RCHY1: variants seen among roughly 807,000 people sequenced by gnomAD.
RCHY1 encodes RING finger and CHY zinc finger domain-containing protein 1.
In RCHY1, 21 loss-of-function variants were observed where a neutral mutation model predicts 41.6. The observed-to-expected ratio is 0.51, with a 90% CI of 0.36 to 0.73. The LOEUF is 0.73. Among genes scored for constraint, RCHY1 ranks in the 30% least tolerant of loss-of-function variants. RCHY1 has a pLI of 0.00. For synonymous variants in RCHY1, 79 were observed against 102.9 expected (o/e 0.77, Z 1.41); for missense variants, 265 against 325.3 (o/e 0.81, Z 1.43).
rs1560512629 is a variant in RCHY1 at position 75,487,579 on chromosome 4, T to TA, written c.657+3001dup. Among the ~76,000 whole-genome samples, 124 of 29,156 alleles carry TA rather than the reference T, an allele frequency of 4.3e-3. 1 individual carries two copies. Among genetic ancestry groups the TA allele is most frequent in the African/African-American group, 0.015 (108 of 7,198 alleles). The allele number at this position is 29,156 out of a possible 152,430, so 19.1% of individuals were successfully genotyped here. A position where few individuals can be genotyped will look rare whatever the true frequency, so the allele number is the denominator to read the frequency against. On this transcript the variant is annotated intron_variant, in intron 8 of 8. Coordinates refer to ENST00000324439, the MANE Select transcript of RCHY1 (RefSeq NM_015436.4). ...AATATATTCATAATATATATATTCA[T>TA]ATATATATTCATAATATATATTCAT...
At chr4:75,483,667 A>G (rs1721729851) in intron 8 of RCHY1, among the ~76,000 whole-genome samples, 1 of 152,200 alleles carries the variant, frequency 6.6e-6, no homozygotes, top group Admixed American at 6.5e-5. Context: ...CTAGTCAATC[A>G]CATGATTATC....
At chr4:75,507,509 C>A (rs1411166170) in intron 3 of RCHY1, among the ~76,000 whole-genome samples, 3 of 151,886 alleles carry the variant, frequency 2.0e-5, no homozygotes, top group African/African-American at 7.2e-5. Flanking sequence ...TCCTAACTAC[C>A]TTAATAAAAA....
At chr4:75,511,963 TC>T (rs1442673956) in intron 1 of RCHY1, among the ~76,000 whole-genome samples, 1 of 152,066 alleles carries the variant, frequency 6.6e-6, no homozygotes, top group Non-Finnish European at 1.5e-5. Context: ...GCATCTCAAT[TC>T]CAAGCATGAA....
chr4:75,483,635 G>A (rs1048934780), intron 8 of RCHY1, among the ~76,000 whole-genome samples: 1 of 152,086 alleles, frequency 6.6e-6, no homozygotes, highest in African/African-American at 2.4e-5. Flanking sequence ...TTATCTACAT[G>A]GAACATAGCA....
At chr4:75,504,779 T>A (rs1724136162) in intron 3 of RCHY1, among the ~76,000 whole-genome samples, 3 of 152,240 alleles carry the variant, frequency 2.0e-5, no homozygotes, top group African/African-American at 7.2e-5. Context: ...GTTCAAATTC[T>A]TAGTAAAATT....
At chr4:75,498,956 A>G (rs1048170317) in intron 3 of RCHY1, among the ~76,000 whole-genome samples, 3 of 152,176 alleles carry the variant, frequency 2.0e-5, no homozygotes, top group African/African-American at 4.8e-5. Context: ...CAAGCTAAAA[A>G]GCTTCTGCAC....
chr4:75,494,614 GATC>G (rs1440811156), intron 3 of RCHY1, among the ~76,000 whole-genome samples: 2 of 151,754 alleles, frequency 1.3e-5, no homozygotes, highest in Non-Finnish European at 3.0e-5. Flanking sequence ...CCCTCAGAAA[GATC>G]ATAATTTATG....
chr4:75,485,800 A>T (rs1721947671), intron 8 of RCHY1, among the ~76,000 whole-genome samples: 1 of 152,156 alleles, frequency 6.6e-6, no homozygotes, highest in African/African-American at 2.4e-5. Flanking sequence ...AAGCTCTAAG[A>T]TCTGCTTCTG....
chr4:75,511,009 G>C (rs932898292), intron 1 of RCHY1, among the ~76,000 whole-genome samples: 2 of 152,056 alleles, frequency 1.3e-5, no homozygotes, highest in African/African-American at 4.8e-5. Context: ...TATTACACTA[G>C]AACAACAACT....
At chr4:75,503,257 T>C (rs374316282) in intron 3 of RCHY1, among the ~76,000 whole-genome samples, 1 of 152,208 alleles carries the variant, frequency 6.6e-6, no homozygotes, top group African/African-American at 2.4e-5. Context: ...CTCTCCCCAG[T>C]TGAGAACCAG....
At chr4:75,506,343 G>A (rs1456104593) in intron 3 of RCHY1, among the ~76,000 whole-genome samples, 1 of 150,258 alleles carries the variant, frequency 6.7e-6, no homozygotes, top group Non-Finnish European at 1.5e-5. Flanking sequence ...CAAACACCAA[G>A]GGAGAAAAAA....
upstream of RCHY1, chr4:75,514,709 G>C (rs1725411488): frequency 6.1e-6 from 1 of 163,774 alleles, no homozygotes; most frequent in African/African-American, 2.4e-5. Flanking sequence ...GGAGCCTGGA[G>C]AAAGGGGCGG....
In RCHY1 at chr4:75,482,667, C is replaced by G. The variant is rs1300531845; in HGVS notation, c.658-1G>C. 2 of 1,595,090 alleles carry G rather than the reference C, an allele frequency of 1.3e-6. No homozygotes were observed. The highest frequency in any genetic ancestry group is 1.1e-5 in the South Asian group (1 of 88,842). On this transcript the variant is annotated splice_acceptor_variant, in intron 8 of 8. Transcript: ENST00000324439. LOFTEE classifies it high-confidence loss of function. The stretch of plus-strand genomic sequence containing the variant: ...GTCCATTACAGTCATTGCAGAGAAT[C>G]TGAAAAGAGATTAATTCAAATTAAG...
At chr4:75,497,761 T>TG (rs1347676189) in intron 3 of RCHY1, among the ~76,000 whole-genome samples, 1 of 151,562 alleles carries the variant, frequency 6.6e-6, no homozygotes, top group South Asian at 2.1e-4. Context: ...CTGAAATTAA[T>TG]GAAAAAAACT....
At chr4:75,484,310 A>C (rs984198257) in intron 8 of RCHY1, among the ~76,000 whole-genome samples, 4 of 152,160 alleles carry the variant, frequency 2.6e-5, no homozygotes, top group Non-Finnish European at 4.4e-5. Context: ...GTTTTGAGCT[A>C]TCCAAGTTTT....
intron 3 of RCHY1, among the ~76,000 whole-genome samples, chr4:75,504,118 G>A (rs1042461974): frequency 6.6e-6 from 1 of 152,170 alleles, no homozygotes; most frequent in African/African-American, 2.4e-5. Context: ...TCTGGAATTA[G>A]TATTGCATTT....
chr4:75,479,995 A>G lies in RCHY1; in HGVS notation c.*2543T>C, dbSNP rs535830476. On this transcript the variant is annotated 3_prime_UTR_variant, in exon 9 of 9. Transcript: ENST00000324439. ...ACTTATGAAGTCAGAGAAAGAAAAA[A>G]TATTTAAGGGTAAAGTTATGTATTT... The G allele has an allele frequency of 8.5e-5, 13 of 152,316 alleles. No individual in the cohort carries two copies. Among genetic ancestry groups the G allele is most frequent in the Admixed American group, 2.0e-4 (3 of 15,302 alleles). 9.4% of individuals were successfully genotyped at this position (152,316 alleles called of 1,614,324 possible). A position where few individuals can be genotyped will look rare whatever the true frequency, so the allele number is the denominator to read the frequency against.
intron 1 of RCHY1, chr4:75,509,574 A>T: frequency 3.3e-6 from 1 of 300,402 alleles, no homozygotes; most frequent in Non-Finnish European, 6.3e-6. Context: ...CACTAATCCC[A>T]CAACACCTGA....
chr4:75,511,502 G>C (rs1174189511), intron 1 of RCHY1, among the ~76,000 whole-genome samples: 1 of 152,038 alleles, frequency 6.6e-6, no homozygotes, highest in Non-Finnish European at 1.5e-5. Context: ...ATGAAAAAAA[G>C]CAACTAGTTC....
Sources: gnomAD v4.1 joint callset for allele counts (sites outside exome capture counted in the v4.1 genomes callset) on GRCh38, gnomAD v4.1.1 for gene constraint, MANE v1.5 for transcripts, NCBI Gene and HGNC (gene_info 2026-07-23, HGNC 2026-07-21) for gene names.